Variants in NEGR1 observed in about 807,000 individuals in gnomAD.
The protein encoded by NEGR1 is IgLON family member 4.
A neutral mutation model predicts 40.9 loss-of-function variants in NEGR1; 10 were observed. The ratio of observed to expected loss-of-function variants is 0.24; its 90% CI spans 0.15 to 0.42. The LOEUF (loss-of-function observed/expected upper bound fraction) is 0.42, where lower values mean the gene tolerates loss of function less well. Ranked by LOEUF, NEGR1 falls within the 10% of genes least tolerant of loss-of-function variation. The probability of loss-of-function intolerance (pLI) is 1.00; values close to 1 mark genes in which losing one functional copy is unlikely to be tolerated. For synonymous variants in NEGR1, 185 were observed against 166.8 expected (o/e 1.11, Z -0.84); for missense variants, 352 against 438.9 (o/e 0.80, Z 1.77).
chr1:71,739,232 G>A (rs1431178703), intron 3 of NEGR1, among the ~76,000 whole-genome samples: 5 of 142,720 alleles, frequency 3.5e-5, no homozygotes, highest in African/African-American at 1.3e-4. Flanking sequence ...AAAAAAAAAC[G>A]TGAAAAGACT....
intron 1 of NEGR1, among the ~76,000 whole-genome samples, chr1:72,263,690 G>T (rs1239752303): frequency 6.6e-6 from 1 of 151,394 alleles, no homozygotes; most frequent in African/African-American, 2.4e-5. Context: ...TTGAATAGTT[G>T]CTGTTCTAAC....
rs1646212930 is a variant in NEGR1 at position 71,396,572 on chromosome 1, C to T, written c.*10874G>A. 1 of 152,166 alleles carries T rather than the reference C, an allele frequency of 6.6e-6. No homozygotes were observed. Among genetic ancestry groups the T allele is most frequent in the South Asian group, 2.1e-4 (1 of 4,818 alleles). The allele number at this position is 152,166 out of a possible 1,614,324, so 9.4% of individuals were successfully genotyped here. Reference sequence around the variant, plus strand: ...CATTTGATATTGTTTGGCCATGTCCCCACACAAATCTCATTTTGAATTCCC... The same window carrying T: ...CATTTGATATTGTTTGGCCATGTCCTCACACAAATCTCATTTTGAATTCCC... On this transcript the variant is annotated 3_prime_UTR_variant, in exon 7 of 7. Coordinates refer to ENST00000357731, the MANE Select transcript of NEGR1 (RefSeq NM_173808.3).
In NEGR1 at chr1:71,964,781, TGAA is replaced by T. The variant is rs145619447; in HGVS notation, c.177-29473_177-29471del. Among the ~76,000 whole-genome samples the T allele has an allele frequency of 1.7e-3, 257 of 152,068 alleles. 3 individuals carry two copies. The East Asian group carries it at 0.036, about 21-fold the overall frequency. ...GAACACTATTTTATACTTTCTAAAA[TGAA>T]GAAAGAACATCTGCTGATTGTATTT... On this transcript the variant is annotated intron_variant, in intron 1 of 6. Transcript: ENST00000357731.
intron 6 of NEGR1, among the ~76,000 whole-genome samples, chr1:71,519,659 G>A (rs1647139877): frequency 7.6e-6 from 1 of 132,178 alleles, no homozygotes; most frequent in Middle Eastern, 3.8e-3. Context: ...CAGCGCACCA[G>A]CATGGCACAT....
At chr1:71,975,260 G>C (rs1646291952) in intron 1 of NEGR1, among the ~76,000 whole-genome samples, 3 of 151,984 alleles carry the variant, frequency 2.0e-5, no homozygotes, top group Admixed American at 2.0e-4. Context: ...CATTGATAGT[G>C]GCTATTTTCT....
chr1:71,907,379 A>G (rs1320141964), intron 2 of NEGR1, among the ~76,000 whole-genome samples: 1 of 152,188 alleles, frequency 6.6e-6, no homozygotes, highest in Non-Finnish European at 1.5e-5. Flanking sequence ...TAAGATTATC[A>G]GAGACATAAT....
chr1:72,111,602 TCA>T lies in NEGR1; in HGVS notation c.176+170715_176+170716del, dbSNP rs1185143474. Among the ~76,000 whole-genome samples the T allele has an allele frequency of 3.9e-5, 6 of 151,904 alleles. No homozygotes were observed. In the South Asian group the frequency reaches 8.3e-4, roughly 21 times the overall value. On this transcript the variant is annotated intron_variant, in intron 1 of 6. Transcript: ENST00000357731. ...GATACAACATGGATTCACAAAGATA[TCA>T]GAGTTTAATGGTGACTAAGATAAAA...
chr1:71,474,699 T>C (rs1366978250), intron 6 of NEGR1, among the ~76,000 whole-genome samples: 51 of 111,854 alleles, frequency 4.6e-4, no homozygotes, highest in African/African-American at 1.7e-3. Context: ...GCCTGGGTGG[T>C]GGAGCGAGAC....
chr1:71,724,173 TTC>T (rs1031416751), intron 3 of NEGR1, among the ~76,000 whole-genome samples: 28 of 152,164 alleles, frequency 1.8e-4, no homozygotes, highest in African/African-American at 6.8e-4. Flanking sequence ...AAATTCTCTT[TTC>T]TCTGTTTCAT....
At chr1:71,754,451 A>C (rs1322753911) in intron 3 of NEGR1, among the ~76,000 whole-genome samples, 1 of 152,180 alleles carries the variant, frequency 6.6e-6, no homozygotes, top group Non-Finnish European at 1.5e-5. Flanking sequence ...TCCCCTCTTA[A>C]GTTGGGGAGG....
At chr1:72,234,056 T>C (rs1381637620) in intron 1 of NEGR1, among the ~76,000 whole-genome samples, 1 of 152,120 alleles carries the variant, frequency 6.6e-6, no homozygotes, top group Non-Finnish European at 1.5e-5. Context: ...TCATGGGGGT[T>C]TGTTATACAA....
At chr1:72,158,661 G>C (rs921022536) in intron 1 of NEGR1, among the ~76,000 whole-genome samples, 1 of 152,152 alleles carries the variant, frequency 6.6e-6, no homozygotes, top group Non-Finnish European at 1.5e-5. Flanking sequence ...AACTGGCACA[G>C]AGTTATCTAT....
chr1:72,178,716 TG>T (rs1333161393), intron 1 of NEGR1, among the ~76,000 whole-genome samples: 3 of 151,380 alleles, frequency 2.0e-5, no homozygotes, highest in Non-Finnish European at 2.9e-5. Flanking sequence ...TGTTTTGTTT[TG>T]TTTTTTTTAA....
At chr1:71,643,745 A>G (rs1374289639) in intron 4 of NEGR1, among the ~76,000 whole-genome samples, 1 of 152,036 alleles carries the variant, frequency 6.6e-6, no homozygotes, top group Non-Finnish European at 1.5e-5. Flanking sequence ...TGACTCCAAT[A>G]AGAATTCAGA....
intron 6 of NEGR1, among the ~76,000 whole-genome samples, chr1:71,512,302 AT>A (rs796536417): frequency 2.6e-5 from 4 of 152,274 alleles, no homozygotes; most frequent in Non-Finnish European, 5.9e-5. Flanking sequence ...TAAAAAAAAA[AT>A]AACATAATGC....
intron 1 of NEGR1, among the ~76,000 whole-genome samples, chr1:72,196,630 C>T (rs1288707087): frequency 2.0e-5 from 3 of 147,518 alleles, no homozygotes; most frequent in Non-Finnish European, 3.0e-5. Context: ...ATTAGCGAGG[C>T]GTAGTGGCAC....
At chr1:71,643,522 T>C (rs983662107) in intron 4 of NEGR1, among the ~76,000 whole-genome samples, 12 of 152,046 alleles carry the variant, frequency 7.9e-5, no homozygotes, top group African/African-American at 2.9e-4. Context: ...ATCAGCCTTT[T>C]ATGTTGACTC....
At position 71,491,610 on chromosome 1, in the gene NEGR1, C is replaced by T. The variant is rs78666963; in HGVS notation, c.941-84040G>A. Among the ~76,000 whole-genome samples, 1,964 of 150,928 alleles carry T rather than the reference C, an allele frequency of 0.013. 122 individuals carry two copies. In the East Asian group the frequency reaches 0.22, roughly 17 times the overall value. On this transcript the variant is annotated intron_variant, in intron 6 of 6. Coordinates refer to ENST00000357731, the MANE Select transcript of NEGR1 (RefSeq NM_173808.3). ...TTTTTTAAATGAAAATATGACCTCA[C>T]AGCAGAGTGTTTGTTCTCACTCTTC...
chr1:71,888,510 G>A (rs11805633), intron 2 of NEGR1, among the ~76,000 whole-genome samples: 5,982 of 151,596 alleles, frequency 0.039, 382 homozygotes, highest in African/African-American at 0.14. Context: ...TTTTCAGACC[G>A]GCTTAAAAAA....
Sources: gnomAD v4.1 joint callset for allele counts (sites outside exome capture counted in the v4.1 genomes callset) on GRCh38, gnomAD v4.1.1 for gene constraint, MANE v1.5 for transcripts, NCBI Gene and HGNC (gene_info 2026-07-23, HGNC 2026-07-21) for gene names.